Variants in SORL1 observed in about 807,000 individuals in gnomAD.
The protein encoded by SORL1 is sortilin-related receptor.
In SORL1, 127 loss-of-function variants were observed where a neutral mutation model predicts 273.7. The observed-to-expected ratio is 0.46, with a 90% confidence interval of 0.40 to 0.54. The LOEUF is 0.54. Among genes scored for constraint, SORL1 ranks in the 20% least tolerant of loss-of-function variants. The pLI is 0.00. For synonymous variants in SORL1, 1,031 were observed against 1,067.4 expected (o/e 0.97, Z 0.66); for missense variants, 2,494 against 2,846.1 (o/e 0.88, Z 2.81).
chr11:121,595,498 C>A lies in SORL1; in HGVS notation c.4370-125C>A. 1.2e-6 allele frequency: 1 copy of A among 857,498 alleles called. No homozygotes were observed. The highest frequency in any genetic ancestry group is 1.8e-6 in the Non-Finnish European group (1 of 543,254). 53.1% of individuals were successfully genotyped at this position (857,498 alleles called of 1,614,324 possible). ...TACTCTGCTCTCTATCCGGAACTCG[C>A]ATTTGTCTTCAGGTTCCCATTGTAA... On this transcript the variant is annotated intron_variant, in intron 31 of 47. Transcript: ENST00000260197. This position sits in a 1 kb window ranked among gnomAD's most constrained non-coding sequence, Gnocchi z 5.1.
At chr11:121,614,762 T>C (rs1863614895) in intron 40 of SORL1, 109 bp from the exon 41 acceptor site, 1 of 846,106 alleles carries the variant, frequency 1.2e-6, no homozygotes. Flanking sequence ...ATGGGACTCA[T>C]TTAAGTCAAG....
rs188940914 is a variant in SORL1 at position 121,489,946 on chromosome 11, G to A, written c.691-97G>A. The stretch of plus-strand genomic sequence containing the variant: ...CTCAGTGCCTGCCTTCACAGACAGC[G>A]TGTCATGGAAGGTGGGATTTCAGCG... On this transcript the variant is annotated intron_variant, in intron 4 of 47. Transcript: ENST00000260197. The A allele has an allele frequency of 2.0e-4, 171 of 874,120 alleles. No individual in the cohort carries two copies. The African/African-American group carries it at 2.5e-3, about 13-fold the overall frequency. The allele number at this position is 874,120 out of a possible 1,614,324, so 54.1% of individuals were successfully genotyped here.
intron 40 of SORL1, among the ~76,000 whole-genome samples, chr11:121,613,679 C>T (rs1050288153): frequency 6.6e-6 from 1 of 152,118 alleles, no homozygotes; most frequent in Non-Finnish European, 1.5e-5. Flanking sequence ...AGTATAATTC[C>T]GTGAGATATG....
At chr11:121,592,648 T>A (rs1286535277) in intron 31 of SORL1, among the ~76,000 whole-genome samples, 1 of 152,254 alleles carries the variant, frequency 6.6e-6, no homozygotes, top group Non-Finnish European at 1.5e-5. Context: ...GTGGACTTCC[T>A]GTTTGGGAAT....
chr11:121,560,541 A>G (rs575769311), intron 21 of SORL1, among the ~76,000 whole-genome samples: 51 of 152,364 alleles, frequency 3.3e-4, no homozygotes, highest in African/African-American at 1.1e-3. Flanking sequence ...ATTAAATGGC[A>G]TCCTGGGTTT....
chr11:121,462,420 C>T (rs1421529390), intron 1 of SORL1, among the ~76,000 whole-genome samples: 5 of 152,148 alleles, frequency 3.3e-5, no homozygotes, highest in Non-Finnish European at 7.4e-5. Flanking sequence ...GGTGTCAGTA[C>T]ATAGGTCAGG....
rs1253399128 is a variant in SORL1 at position 121,563,687 on chromosome 11, G to A, written c.3050-3253G>A. Among the ~76,000 whole-genome samples, 1 of 152,210 alleles carries A rather than the reference G, an allele frequency of 6.6e-6. No individual in the cohort carries two copies. Among genetic ancestry groups the A allele is most frequent in the Non-Finnish European group, 1.5e-5 (1 of 68,038 alleles). ...CTAGGATTTACAGGTGTGAGCCACT[G>A]TGTCTGGCCACTAGCTGGTTTTTAA... is the stretch of plus-strand genomic sequence containing the variant. On this transcript the variant is annotated intron_variant, in intron 21 of 47. Transcript: ENST00000260197. The surrounding 1 kb of genome is among the most constrained non-coding windows in gnomAD (Gnocchi z 4.2).
chr11:121,606,739 A>C, intron 35 of SORL1, 106 bp from the exon 36 acceptor site: 1 of 757,348 alleles, frequency 1.3e-6, no homozygotes, highest in Non-Finnish European at 2.3e-6. Context: ...GGATAGTCTC[A>C]ATGCCGGCTG....
At chr11:121,624,035 G>A (rs1232250456) in intron 45 of SORL1, among the ~76,000 whole-genome samples, 3 of 152,194 alleles carry the variant, frequency 2.0e-5, no homozygotes, top group Admixed American at 6.5e-5. Context: ...CAAGTGAAAG[G>A]GGAAACTTCT....
intron 1 of SORL1, among the ~76,000 whole-genome samples, chr11:121,458,885 G>A (rs932723547): frequency 1.3e-5 from 2 of 152,156 alleles, no homozygotes; most frequent in African/African-American, 4.8e-5. Context: ...TGCATTTTAT[G>A]GTGGGTTCCG....
intron 1 of SORL1, among the ~76,000 whole-genome samples, chr11:121,457,322 C>CA (rs1475706208): frequency 1.3e-5 from 2 of 152,184 alleles, no homozygotes; most frequent in Non-Finnish European, 2.9e-5. Flanking sequence ...AAAATTTGTA[C>CA]AAAAGCGTAT....
At chr11:121,628,678 A>G (rs1863833492) in intron 47 of SORL1, among the ~76,000 whole-genome samples, 1 of 152,196 alleles carries the variant, frequency 6.6e-6, no homozygotes, top group Non-Finnish European at 1.5e-5. Context: ...GCTAATAGAG[A>G]TAGTAAGATA....
Position 121,522,989 on chromosome 11 carries a change from G to A in SORL1, c.1596G>A (p.Glu532=). 1 of 1,607,552 alleles carries A rather than the reference G, an allele frequency of 6.2e-7. No homozygotes were observed. The highest frequency in any genetic ancestry group is 8.5e-7 in the Non-Finnish European group (1 of 1,174,146). The change falls in exon 11 of 48, where the codon GAG becomes GAA. Residue 532 remains glutamate (E), a splice_region_variant and synonymous_variant. Coordinates refer to ENST00000260197, the MANE Select transcript of SORL1 (RefSeq NM_003105.6). ...ISSSAGARWR[E]ALPGPHYYTW... is the part of the protein sequence containing the mutation. ...GCAGTGCTGGAGCCAGGTGGCGAGA[G>A]GTCAGCCCCCTCCCCCAATCCCGTC...
chr11:121,504,550 G>T (rs1350209107), intron 6 of SORL1, among the ~76,000 whole-genome samples: 1 of 151,990 alleles, frequency 6.6e-6, no homozygotes, highest in Non-Finnish European at 1.5e-5. Flanking sequence ...CTACAACCTT[G>T]CTGAACTTTA....
intron 5 of SORL1, among the ~76,000 whole-genome samples, chr11:121,490,740 C>CAAAA (rs5795272): frequency 8.4e-5 from 10 of 118,878 alleles, no homozygotes; most frequent in Non-Finnish European, 1.5e-4. Context: ...GACTCTGTCT[C>CAAAA]AAAAAAAAAA....
intron 1 of SORL1, among the ~76,000 whole-genome samples, chr11:121,456,734 T>G (rs1860912014): frequency 6.6e-6 from 1 of 152,210 alleles, no homozygotes; most frequent in Non-Finnish European, 1.5e-5. Flanking sequence ...ACAGGTTTAT[T>G]TTCCTTCCAA....
intron 13 of SORL1, among the ~76,000 whole-genome samples, chr11:121,544,207 C>T (rs993857961): frequency 8.5e-5 from 13 of 152,162 alleles, no homozygotes; most frequent in African/African-American, 1.9e-4. Context: ...TCCCTGCTTC[C>T]CCATCTTATC....
chr11:121,474,812 G>A (rs200609631), intron 2 of SORL1, among the ~76,000 whole-genome samples: 2 of 152,240 alleles, frequency 1.3e-5, no homozygotes, highest in East Asian at 3.8e-4. Flanking sequence ...AGCGCAAGTC[G>A]GGGTGGAGCC....
intron 11 of SORL1, among the ~76,000 whole-genome samples, chr11:121,532,004 T>G (rs768016688): frequency 7.9e-5 from 12 of 152,238 alleles, no homozygotes; most frequent in Admixed American, 2.0e-4. Flanking sequence ...CACAAGCGGC[T>G]TGCTTTCGTT....
Sources: allele counts gnomAD v4.1 joint callset (sites outside exome capture counted in the v4.1 genomes callset), GRCh38; gene constraint gnomAD v4.1.1; non-coding constraint Gnocchi (gnomAD v3.1); transcripts MANE v1.5; gene names NCBI Gene and HGNC (gene_info 2026-07-23, HGNC 2026-07-21).